The following ADAM10 variants were observed in gnomAD, a reference collection of about 807,000 sequenced individuals.
The protein encoded by ADAM10 is disintegrin and metalloproteinase domain-containing protein 10.
In ADAM10, 17 loss-of-function variants were observed where a neutral mutation model predicts 90.1. The ratio of observed to expected loss-of-function variants is 0.19; its 90% CI spans 0.13 to 0.28. The LOEUF (loss-of-function observed/expected upper bound fraction) is 0.28, where lower values mean the gene tolerates loss of function less well. Among genes scored for constraint, ADAM10 ranks in the 10% least tolerant of loss-of-function variants. The pLI, the probability that ADAM10 is intolerant of heterozygous loss-of-function variation, is 1.00. For missense variants in ADAM10, 610 were observed against 914.3 expected (o/e 0.67, Z 4.29); for synonymous variants, 310 against 298.6 (o/e 1.04, Z -0.40).
At chr15:58,649,008 T>C (rs1158613025) in intron 5 of ADAM10, among the ~76,000 whole-genome samples, 1 of 152,124 alleles carries the variant, frequency 6.6e-6, no homozygotes, top group Non-Finnish European at 1.5e-5. Flanking sequence ...TGCTGTTAAA[T>C]CCAATCTGAT....
chr15:58,673,738 TC>T (rs1370438547), intron 4 of ADAM10, among the ~76,000 whole-genome samples: 1 of 142,914 alleles, frequency 7.0e-6, no homozygotes, highest in East Asian at 2.5e-4. Context: ...TCTTTCTCTC[TC>T]TTTTTTTTTT....
rs142025212 is a variant in ADAM10, at chr15:58,630,503, T to A, written c.1177-2620A>T. Among the ~76,000 whole-genome samples the A allele has an allele frequency of 3.6e-4, 55 of 152,320 alleles. No homozygotes were observed. In the East Asian group the frequency reaches 7.5e-3, roughly 21 times the overall value. ...GTAGAAGTGAGTTAGTAAGCAGAAG[T>A]GGCATTATTAGAACTGTATTTACAT... On this transcript the variant is annotated intron_variant, in intron 9 of 15. Transcript: ENST00000260408.
At chr15:58,749,247 G>C (rs556912299) in intron 1 of ADAM10, among the ~76,000 whole-genome samples, 15 of 152,294 alleles carry the variant, frequency 9.8e-5, no homozygotes, top group Non-Finnish European at 1.9e-4. Context: ...AGGGCGGTGG[G>C]GGGCGGGGAA....
intron 2 of ADAM10, among the ~76,000 whole-genome samples, chr15:58,689,482 T>A (rs866994514): frequency 6.6e-6 from 1 of 151,976 alleles, no homozygotes; most frequent in Non-Finnish European, 1.5e-5. Flanking sequence ...CAAGACTCTG[T>A]CTCCACAAAA....
chr15:58,679,969 TA>T (rs1897385233), intron 3 of ADAM10, among the ~76,000 whole-genome samples: 1 of 152,136 alleles, frequency 6.6e-6, no homozygotes, highest in South Asian at 2.1e-4. Context: ...AACCCACTGA[TA>T]AAATACACAC....
chr15:58,697,488 C>T (rs1242177775), intron 2 of ADAM10, among the ~76,000 whole-genome samples: 10 of 152,158 alleles, frequency 6.6e-5, no homozygotes, highest in African/African-American at 9.7e-5. Context: ...GTGAACACTT[C>T]TCCTAGGGGC....
In ADAM10 at chr15:58,643,947, A is replaced by G; in HGVS notation, c.767T>C (p.Ile256Thr). Residue 256 changes from isoleucine to threonine, a missense_variant, in exon 7 of 16, where the codon ATT becomes ACT. Physicochemically the swap from Ile to Thr is moderately conservative, Grantham distance 89. Coordinates refer to ENST00000260408, the MANE Select transcript of ADAM10 (RefSeq NM_001110.4). ...TCCGGAGAAGTCTGTGGTCTGGTAA[A>G]TTGTATCAATCGCTTTAACATGACT... ...ISSHVKAIDT[I>T]YQTTDFSGIR... The G allele has an allele frequency of 6.2e-7, 1 of 1,613,068 alleles. No individual in the cohort carries two copies. Among genetic ancestry groups the G allele is most frequent in the South Asian group, 1.1e-5 (1 of 91,068 alleles).
chr15:58,658,367 T>G (rs1278442694), intron 5 of ADAM10, among the ~76,000 whole-genome samples: 1 of 152,210 alleles, frequency 6.6e-6, no homozygotes, highest in East Asian at 1.9e-4. Flanking sequence ...TGTTTACCCT[T>G]AGGTCAAGAT....
At chr15:58,730,744 T>C (rs144838589) in intron 1 of ADAM10, among the ~76,000 whole-genome samples, 1 of 151,106 alleles carries the variant, frequency 6.6e-6, no homozygotes, top group African/African-American at 2.4e-5. Flanking sequence ...GCGGGTGGAG[T>C]GGTGGGCTGA....
At chr15:58,725,254 G>C (rs1342427516) in intron 1 of ADAM10, among the ~76,000 whole-genome samples, 11 of 151,450 alleles carry the variant, frequency 7.3e-5, no homozygotes, top group African/African-American at 2.7e-4. Flanking sequence ...AAGAAAATTA[G>C]GCATGGTAGT....
At chr15:58,666,684 T>G (rs1275581351) in intron 4 of ADAM10, among the ~76,000 whole-genome samples, 2 of 152,112 alleles carry the variant, frequency 1.3e-5, no homozygotes, top group African/African-American at 4.8e-5. Flanking sequence ...AAAAAAACAT[T>G]TATTTAGTAC....
chr15:58,691,174 C>A (rs765014665), intron 2 of ADAM10: 4 of 716,490 alleles, frequency 5.6e-6, no homozygotes, highest in Non-Finnish European at 8.0e-6. Flanking sequence ...ACCCGCTCAA[C>A]CTTCTTATCT....
At position 58,592,573 on chromosome 15, in the gene ADAM10, T is replaced by G. The variant is rs1370844188; in HGVS notation, c.*4974A>C. On this transcript the variant is annotated 3_prime_UTR_variant, in exon 16 of 16. Transcript: ENST00000260408. ...GGAATTAGTGATTTATCCAAAGGAGTCTGGTTCCCTTGAAGAAAAATGGTA... is the reference window on the plus strand; with the variant it reads ...GGAATTAGTGATTTATCCAAAGGAGGCTGGTTCCCTTGAAGAAAAATGGTA... 6.6e-6 allele frequency: 1 copy of G among 152,232 alleles called. No homozygotes were observed. 9.4% of individuals were successfully genotyped at this position (152,232 alleles called of 1,614,324 possible). A position where few individuals can be genotyped will look rare whatever the true frequency, so the allele number is the denominator to read the frequency against.
In ADAM10 at chr15:58,591,062, G is replaced by A. The variant is rs1010311016; in HGVS notation, c.*6485C>T. The A allele has an allele frequency of 1.3e-5, 2 of 152,204 alleles. No homozygotes were observed. The highest frequency in any genetic ancestry group is 6.5e-5 in the Admixed American group (1 of 15,276). 9.4% of individuals were successfully genotyped at this position (152,204 alleles called of 1,614,324 possible). The stretch of plus-strand genomic sequence containing the variant: ...CCAACGTGGGACACACAGGCTTAAT[G>A]TGGATAAGCTGACCATACTCCTTGA... On this transcript the variant is annotated 3_prime_UTR_variant, in exon 16 of 16. Coordinates refer to ENST00000260408, the MANE Select transcript of ADAM10 (RefSeq NM_001110.4).
At chr15:58,726,373 T>C (rs1207923685) in intron 1 of ADAM10, among the ~76,000 whole-genome samples, 1 of 151,946 alleles carries the variant, frequency 6.6e-6, no homozygotes, top group Non-Finnish European at 1.5e-5. Context: ...GAGACCAGCC[T>C]GGCCAACATG....
Position 58,628,603 on chromosome 15 carries a change from C to T in ADAM10, c.1177-720G>A, listed in dbSNP as rs118167666. On this transcript the variant is annotated intron_variant, in intron 9 of 15. Transcript: ENST00000260408. ...CTCCCTGAATTTTCTCAAAGTAATG[C>T]TTATGAGACCAAGCAACAGAACACT... 8.5e-4 allele frequency among the ~76,000 whole-genome samples: 129 copies of T among 152,194 alleles called. 5 individuals are homozygous for T. The East Asian group carries it at 0.022, about 26-fold the overall frequency.
At chr15:58,696,151 C>T (rs1269972108) in intron 2 of ADAM10, among the ~76,000 whole-genome samples, 2 of 151,652 alleles carry the variant, frequency 1.3e-5, no homozygotes, top group African/African-American at 4.8e-5. Flanking sequence ...ATTAGCCGGG[C>T]GGTAGTGGCA....
intron 5 of ADAM10, among the ~76,000 whole-genome samples, chr15:58,648,885 CAT>C (rs772681755): frequency 4.0e-5 from 6 of 151,826 alleles, no homozygotes; most frequent in Admixed American, 6.6e-5. Flanking sequence ...TGATAATAGA[CAT>C]ATTTTTGTTA....
intron 5 of ADAM10, among the ~76,000 whole-genome samples, chr15:58,647,314 G>A (rs1896578146): frequency 8.3e-6 from 1 of 120,456 alleles, no homozygotes; most frequent in South Asian, 2.7e-4. Context: ...AGGATGGAGT[G>A]CAGTGGCACG....
Sources: allele counts gnomAD v4.1 joint callset (sites outside exome capture counted in the v4.1 genomes callset), GRCh38; gene constraint gnomAD v4.1.1; transcripts MANE v1.5; gene names NCBI Gene and HGNC (gene_info 2026-07-23, HGNC 2026-07-21).